Variants in AIM2 observed in about 807,000 individuals in gnomAD.
AIM2 encodes the protein interferon-inducible protein AIM2.
AIM2 carries 30 observed loss-of-function variants against 27.7 expected under a neutral mutation model. That is an observed-to-expected ratio of 1.08 (90% CI 0.81 to 1.47). The LOEUF (loss-of-function observed/expected upper bound fraction) is 1.47, where lower values mean the gene tolerates loss of function less well. Among genes scored for constraint, AIM2 ranks in the 40% most tolerant of loss-of-function variants. AIM2 has a pLI of 0.00. For synonymous variants in AIM2, 141 were observed against 145.3 expected (o/e 0.97, Z 0.21); for missense variants, 358 against 411.3 (o/e 0.87, Z 1.12).
intron 1 of AIM2, among the ~76,000 whole-genome samples, chr1:159,106,993 A>G (rs1570967940): frequency 6.6e-6 from 1 of 152,246 alleles, no homozygotes; most frequent in East Asian, 1.9e-4. Context: ...CCTCCTGGAC[A>G]AAACATATAG....
At chr1:159,121,883 CT>C (rs1647543225) in intron 1 of AIM2, among the ~76,000 whole-genome samples, 1 of 152,186 alleles carries the variant, frequency 6.6e-6, no homozygotes, top group Non-Finnish European at 1.5e-5. Flanking sequence ...CCACAAACAT[CT>C]GTCCTTGATT....
chr1:159,118,572 T>A (rs978881111), intron 1 of AIM2, among the ~76,000 whole-genome samples: 1 of 152,158 alleles, frequency 6.6e-6, no homozygotes, highest in African/African-American at 2.4e-5. Flanking sequence ...CTTCACCCAT[T>A]ATAAAGAGCA....
chr1:159,094,503 C>T (rs1348267020), intron 1 of AIM2, among the ~76,000 whole-genome samples: 2 of 152,132 alleles, frequency 1.3e-5, no homozygotes, highest in Admixed American at 6.5e-5. Flanking sequence ...TCGAGACCAG[C>T]CTGGCCAACA....
At chr1:159,083,604 G>A (rs1036323334) in intron 1 of AIM2, among the ~76,000 whole-genome samples, 1 of 151,970 alleles carries the variant, frequency 6.6e-6, no homozygotes, top group Non-Finnish European at 1.5e-5. Context: ...ATACCATTTA[G>A]CTCTACTAAA....
intron 1 of AIM2, among the ~76,000 whole-genome samples, chr1:159,103,157 G>T (rs1657351940): frequency 6.6e-6 from 1 of 152,176 alleles, no homozygotes; most frequent in East Asian, 1.9e-4. Flanking sequence ...ATGAGATCTG[G>T]TGGTTTTATA....
intron 1 of AIM2, among the ~76,000 whole-genome samples, chr1:159,126,055 G>A (rs529864399): frequency 3.3e-5 from 5 of 152,284 alleles, no homozygotes; most frequent in African/African-American, 1.2e-4. Context: ...CTAGACCCTC[G>A]AAAGCTGTGT....
chr1:159,093,901 A>AT (rs71084302), intron 1 of AIM2, among the ~76,000 whole-genome samples: 85,783 of 143,044 alleles, frequency 0.6, 31,166 homozygotes, highest in Non-Finnish European at 0.78. Context: ...ATGCCTGGAT[A>AT]TTTTTTTTTT....
chr1:159,064,670 G>A (rs994703291), intron 4 of AIM2, among the ~76,000 whole-genome samples: 1 of 152,110 alleles, frequency 6.6e-6, no homozygotes, highest in Non-Finnish European at 1.5e-5. Context: ...TTGCCATGTT[G>A]GCCAGGATGA....
intron 1 of AIM2, among the ~76,000 whole-genome samples, chr1:159,127,596 G>A (rs972486717): frequency 2.6e-5 from 4 of 152,222 alleles, no homozygotes; most frequent in South Asian, 2.1e-4. Flanking sequence ...AATCTATGAC[G>A]CAGCAAAACT....
intron 1 of AIM2, among the ~76,000 whole-genome samples, chr1:159,110,430 A>C (rs1657540806): frequency 6.6e-6 from 1 of 152,210 alleles, no homozygotes; most frequent in South Asian, 2.1e-4. Context: ...ATGTTTTAAA[A>C]AATTCTTTTA....
chr1:159,143,937 A>G (rs1648159605), upstream of AIM2, among the ~76,000 whole-genome samples: 1 of 152,220 alleles, frequency 6.6e-6, no homozygotes, highest in African/African-American at 2.4e-5. Flanking sequence ...CTTTTTACTC[A>G]CCAAATAAAA....
At chr1:159,139,160 C>T (rs1648066263) in intron 1 of AIM2, among the ~76,000 whole-genome samples, 1 of 152,162 alleles carries the variant, frequency 6.6e-6, no homozygotes, top group South Asian at 2.1e-4. Flanking sequence ...CTTCTAGTTC[C>T]CTTGAGTGGG....
downstream of AIM2, among the ~76,000 whole-genome samples, chr1:159,058,640 T>C (rs969027244): frequency 1.9e-4 from 29 of 152,052 alleles, no homozygotes; most frequent in African/African-American, 6.3e-4. Context: ...GATGAAAGGC[T>C]CAGAAAGGAG....
At chr1:159,096,846 G>A (rs1296090986) in intron 1 of AIM2, among the ~76,000 whole-genome samples, 1 of 152,034 alleles carries the variant, frequency 6.6e-6, no homozygotes, top group Non-Finnish European at 1.5e-5. Flanking sequence ...GATGATGGGG[G>A]GAATGGGGGG....
At chr1:159,123,520 C>T (rs1314512290) in intron 1 of AIM2, 2 of 152,188 alleles carry the variant, frequency 1.3e-5, no homozygotes, top group Non-Finnish European at 2.9e-5. Context: ...TCTCTATTAC[C>T]TCAGTCTGTG....
chr1:159,091,389 T>G (rs1168558677), intron 1 of AIM2, among the ~76,000 whole-genome samples: 1 of 152,210 alleles, frequency 6.6e-6, no homozygotes, highest in Admixed American at 6.5e-5. Flanking sequence ...ACGACGTGCT[T>G]TGGCAGGTTC....
intron 1 of AIM2, among the ~76,000 whole-genome samples, chr1:159,090,298 A>C (rs767322554): frequency 6.6e-6 from 1 of 152,268 alleles, no homozygotes; most frequent in Non-Finnish European, 1.5e-5. Flanking sequence ...CTTCAGTCAT[A>C]TTCACAAATA....
At chr1:159,129,810 C>A (rs1042815232) in intron 1 of AIM2, among the ~76,000 whole-genome samples, 1 of 152,230 alleles carries the variant, frequency 6.6e-6, no homozygotes, top group Non-Finnish European at 1.5e-5. Flanking sequence ...GAGATAACTT[C>A]CATGAGCATT....
At chr1:159,066,423 A>C in intron 3 of AIM2, 94 bp from the exon 4 acceptor site, 1 of 1,295,836 alleles carries the variant, frequency 7.7e-7, no homozygotes, top group Non-Finnish European at 1.1e-6. Flanking sequence ...TCAGAAAGCC[A>C]GCAGAAGATA....
Sources: gnomAD v4.1 joint callset for allele counts (sites outside exome capture counted in the v4.1 genomes callset) on GRCh38, gnomAD v4.1.1 for gene constraint, MANE v1.5 for transcripts, NCBI Gene and HGNC (gene_info 2026-07-23, HGNC 2026-07-21) for gene names.